Variants in LDLRAD3 observed in about 807,000 individuals in gnomAD.
LDLRAD3 encodes low-density lipoprotein receptor class A domain-containing protein 3.
A neutral mutation model predicts 29.4 loss-of-function variants in LDLRAD3; 20 were observed. The observed-to-expected ratio is 0.68, with a 90% CI of 0.48 to 0.99. LDLRAD3 has a LOEUF of 0.99. LDLRAD3 is among the 50% of genes least tolerant of loss of function. The pLI, the probability that LDLRAD3 is intolerant of heterozygous loss-of-function variation, is 0.00. For missense variants in LDLRAD3, 420 were observed against 454.3 expected, an observed-to-expected ratio of 0.92 and a Z score of 0.69; for synonymous variants, 157 against 192.7, an observed-to-expected ratio of 0.81 and a Z score of 1.53.
At chr11:35,992,106 A>G (rs1421246760) in intron 1 of LDLRAD3, among the ~76,000 whole-genome samples, 1 of 152,160 alleles carries the variant, frequency 6.6e-6, no homozygotes, top group African/African-American at 2.4e-5. Context: ...ATCTTTTTGG[A>G]CAATGAAGAT....
intron 4 of LDLRAD3, among the ~76,000 whole-genome samples, chr11:36,146,684 G>A (rs1224859732): frequency 2.0e-5 from 3 of 151,896 alleles, no homozygotes; most frequent in East Asian, 1.9e-4. Context: ...GCTTGTAGAC[G>A]CATCCCTGCA....
chr11:35,979,734 A>G (rs1030917939), intron 1 of LDLRAD3, among the ~76,000 whole-genome samples: 20 of 152,218 alleles, frequency 1.3e-4, no homozygotes, highest in African/African-American at 4.6e-4. Flanking sequence ...AAGAGAATTT[A>G]TAAGATATAC....
chr11:36,150,090 G>C (rs1377815924), intron 4 of LDLRAD3, among the ~76,000 whole-genome samples: 1 of 152,148 alleles, frequency 6.6e-6, no homozygotes, highest in Non-Finnish European at 1.5e-5. Context: ...AGGGGGTATC[G>C]TTTACCTGGG....
At chr11:36,097,824 T>TA (rs371142588) in intron 3 of LDLRAD3, among the ~76,000 whole-genome samples, 2 of 149,560 alleles carry the variant, frequency 1.3e-5, no homozygotes. Flanking sequence ...TTTGCATAAA[T>TA]AAAAAAACAA....
chr11:36,152,948 A>G (rs563430217), intron 4 of LDLRAD3, among the ~76,000 whole-genome samples: 2 of 152,294 alleles, frequency 1.3e-5, no homozygotes, highest in East Asian at 1.9e-4. Flanking sequence ...AGTCAAGGGT[A>G]CAATCAAGCA....
intron 4 of LDLRAD3, among the ~76,000 whole-genome samples, chr11:36,186,721 TC>T (rs1854854701): frequency 6.6e-6 from 1 of 152,160 alleles, no homozygotes; most frequent in Non-Finnish European, 1.5e-5. Flanking sequence ...CACCACCTAT[TC>T]CTGTGACTGA....
At chr11:36,094,133 GC>G (rs2133269591) in intron 3 of LDLRAD3, among the ~76,000 whole-genome samples, 1 of 152,258 alleles carries the variant, frequency 6.6e-6, no homozygotes, top group African/African-American at 2.4e-5. Flanking sequence ...CCGGGGACTC[GC>G]CCCTGTCTGC....
At chr11:36,166,261 C>T (rs1311681030) in intron 4 of LDLRAD3, among the ~76,000 whole-genome samples, 2 of 152,126 alleles carry the variant, frequency 1.3e-5, no homozygotes, top group African/African-American at 2.4e-5. Flanking sequence ...AAACATTGCT[C>T]CATGTCAACA....
At chr11:36,079,619 G>C (rs1427505954) in intron 2 of LDLRAD3, among the ~76,000 whole-genome samples, 1 of 152,166 alleles carries the variant, frequency 6.6e-6, no homozygotes, top group Non-Finnish European at 1.5e-5. Flanking sequence ...ATTTGTTAGC[G>C]AAAGTACAAA....
chr11:36,089,245 G>T lies in LDLRAD3; in HGVS notation c.319+7467G>T, dbSNP rs191208158. On this transcript the variant is annotated intron_variant, in intron 3 of 5. Coordinates refer to ENST00000315571, the MANE Select transcript of LDLRAD3 (RefSeq NM_174902.4). ...CTGTTTCTACATGCTTTACGTGGAT[G>T]ATCTCATTTTAGGTAGATAGTATTA... is the stretch of plus-strand genomic sequence containing the variant. 3.7e-3 allele frequency among the ~76,000 whole-genome samples: 560 copies of T among 152,244 alleles called. 3 individuals are homozygous for T. The highest frequency in any genetic ancestry group is 0.013 in the African/African-American group (530 of 41,520).
intron 4 of LDLRAD3, among the ~76,000 whole-genome samples, chr11:36,204,977 C>T (rs1855185234): frequency 6.6e-6 from 1 of 152,150 alleles, no homozygotes; most frequent in Non-Finnish European, 1.5e-5. Context: ...CCTATTCTTG[C>T]CCCCGCCCTA....
At chr11:35,974,927 A>G (rs1851457647) in intron 1 of LDLRAD3, among the ~76,000 whole-genome samples, 1 of 152,208 alleles carries the variant, frequency 6.6e-6, no homozygotes, top group Non-Finnish European at 1.5e-5. Flanking sequence ...TTCTATGGGT[A>G]TATACCTGCT....
intron 1 of LDLRAD3, among the ~76,000 whole-genome samples, chr11:36,026,131 A>AT (rs2133202075): frequency 6.6e-6 from 1 of 152,278 alleles, no homozygotes; most frequent in South Asian, 2.1e-4. Context: ...GTATGTACCC[A>AT]TTAAAATAGT....
intron 1 of LDLRAD3, among the ~76,000 whole-genome samples, chr11:36,015,375 T>C (rs1026248457): frequency 1.4e-5 from 2 of 138,736 alleles, no homozygotes; most frequent in Non-Finnish European, 3.1e-5. Context: ...TTGTGAACTC[T>C]TGGACTTGAT....
At chr11:35,990,909 T>C (rs576140349) in intron 1 of LDLRAD3, among the ~76,000 whole-genome samples, 4 of 152,338 alleles carry the variant, frequency 2.6e-5, no homozygotes, top group African/African-American at 4.8e-5. Flanking sequence ...GAACATATCT[T>C]TTTGGGAGAC....
chr11:35,990,635 C>T (rs1851677416), intron 1 of LDLRAD3, among the ~76,000 whole-genome samples: 2 of 151,676 alleles, frequency 1.3e-5, no homozygotes, highest in South Asian at 4.2e-4. Context: ...AGGCTGGTCT[C>T]GAACTCCTGG....
intron 3 of LDLRAD3, among the ~76,000 whole-genome samples, chr11:36,093,378 T>C (rs1294008274): frequency 6.6e-6 from 1 of 152,168 alleles, no homozygotes; most frequent in Non-Finnish European, 1.5e-5. Flanking sequence ...TTCTCTTTTC[T>C]CCAGAGGCAT....
At chr11:36,135,053 A>C (rs1853984363) in intron 4 of LDLRAD3, among the ~76,000 whole-genome samples, 1 of 151,448 alleles carries the variant, frequency 6.6e-6, no homozygotes, top group Non-Finnish European at 1.5e-5. Flanking sequence ...CCTCTTCCTC[A>C]CTGTTGTAGG....
intron 1 of LDLRAD3, among the ~76,000 whole-genome samples, chr11:35,989,500 C>T (rs1363419018): frequency 6.6e-6 from 1 of 152,108 alleles, no homozygotes; most frequent in Non-Finnish European, 1.5e-5. Flanking sequence ...TATTCTAATC[C>T]ATGAGCATGG....
Sources: gnomAD v4.1 joint callset for allele counts (sites outside exome capture counted in the v4.1 genomes callset) on GRCh38, gnomAD v4.1.1 for gene constraint, MANE v1.5 for transcripts, NCBI Gene and HGNC (gene_info 2026-07-23, HGNC 2026-07-21) for gene names.